Variants in KCNAB2 observed in about 807,000 individuals in gnomAD.
KCNAB2 encodes potassium voltage-gated channel subfamily A regulatory beta subunit 2.
A neutral mutation model predicts 63.6 loss-of-function variants in KCNAB2; 29 were observed. The ratio of observed to expected loss-of-function variants is 0.46; its 90% CI spans 0.34 to 0.62. The LOEUF is 0.62. Ranked by LOEUF, KCNAB2 falls within the 20% of genes least tolerant of loss-of-function variation. The probability of loss-of-function intolerance (pLI) is 0.01; values close to 1 mark genes in which losing one functional copy is unlikely to be tolerated. For synonymous variants in KCNAB2, 222 were observed against 224.2 expected, an observed-to-expected ratio of 0.99 and a Z score of 0.09; for missense variants, 359 against 563.9, an observed-to-expected ratio of 0.64 and a Z score of 3.68.
chr1:6,039,097 G>A (rs1008087270), intron 1 of KCNAB2, among the ~76,000 whole-genome samples: 3 of 152,208 alleles, frequency 2.0e-5, no homozygotes, highest in East Asian at 1.9e-4. Context: ...GGTGTCGGCC[G>A]GGGAGCAGCA....
At chr1:6,064,957 A>C (rs1194267596) in intron 2 of KCNAB2, among the ~76,000 whole-genome samples, 1 of 152,118 alleles carries the variant, frequency 6.6e-6, no homozygotes. Context: ...CTGTAACCTA[A>C]GTTTTACTGG....
intron 4 of KCNAB2, among the ~76,000 whole-genome samples, chr1:6,076,548 A>G (rs556260693): frequency 3.9e-5 from 6 of 152,370 alleles, no homozygotes; most frequent in African/African-American, 1.4e-4. Context: ...CTAATCCTCT[A>G]TCAACCCAGG....
chr1:6,097,528 A>G (rs1184318528), intron 15 of KCNAB2, 171 bp downstream of exon 15: 17 of 1,170,046 alleles, frequency 1.5e-5, no homozygotes, highest in Non-Finnish European at 1.8e-5. Context: ...AGGAACAGAC[A>G]TGAACACTAA....
intron 1 of KCNAB2, among the ~76,000 whole-genome samples, chr1:6,008,980 T>C (rs904356297): frequency 6.6e-6 from 1 of 152,194 alleles, no homozygotes; most frequent in African/African-American, 2.4e-5. Context: ...AGCAGGGAAA[T>C]TGGACACGTC....
intron 1 of KCNAB2, among the ~76,000 whole-genome samples, chr1:6,026,763 G>A (rs1406557025): frequency 6.6e-6 from 1 of 152,240 alleles, no homozygotes; most frequent in Non-Finnish European, 1.5e-5. Flanking sequence ...TCATCCCTGG[G>A]ATGATGTTGA....
chr1:5,996,731 C>T (rs1301969489), intron 1 of KCNAB2, among the ~76,000 whole-genome samples: 4 of 152,366 alleles, frequency 2.6e-5, no homozygotes, highest in South Asian at 4.1e-4. Flanking sequence ...CCTGGCCGTC[C>T]GCCTTTACCT....
chr1:6,084,597 C>T (rs958768648), intron 5 of KCNAB2, among the ~76,000 whole-genome samples: 23 of 152,140 alleles, frequency 1.5e-4, no homozygotes, highest in African/African-American at 7.2e-5. Flanking sequence ...GGGCGGATCA[C>T]TCGAGATGAG....
At chr1:6,014,540 T>C (rs1322501644) in intron 1 of KCNAB2, among the ~76,000 whole-genome samples, 1 of 152,134 alleles carries the variant, frequency 6.6e-6, no homozygotes, top group Non-Finnish European at 1.5e-5. Context: ...CCAAAAATAG[T>C]GTGGCATTAG....
chr1:6,072,522 G>A (rs980658843), intron 2 of KCNAB2, among the ~76,000 whole-genome samples: 1 of 152,186 alleles, frequency 6.6e-6, no homozygotes, highest in Admixed American at 6.5e-5. Flanking sequence ...ACCCCCACTG[G>A]GCACCAGCAG....
chr1:6,042,778 G>T (rs1660597778), upstream of KCNAB2, among the ~76,000 whole-genome samples: 1 of 151,894 alleles, frequency 6.6e-6, no homozygotes, highest in South Asian at 2.1e-4. Flanking sequence ...AATGTGCCAG[G>T]CAGTGGTCAT....
intron 1 of KCNAB2, among the ~76,000 whole-genome samples, chr1:5,993,896 T>C (rs896117104): frequency 2.6e-5 from 4 of 152,110 alleles, no homozygotes; most frequent in Non-Finnish European, 5.9e-5. Context: ...AGGGCCACCT[T>C]AGGAACCAGA....
Position 6,087,193 on chromosome 1 carries a change from C to T in KCNAB2, c.426-274C>T, listed in dbSNP as rs900024837. ...CTGGGCGGAAGGCATCTCCTCCGGA[C>T]TCCGGTCACACTAGGCCCCCCACTG... is the stretch of plus-strand genomic sequence containing the variant. On this transcript the variant is annotated intron_variant, in intron 6 of 15. Transcript: ENST00000378083. The surrounding 1 kb of genome is among the most constrained non-coding windows in gnomAD (Gnocchi z 6.4). Among the ~76,000 whole-genome samples the T allele has an allele frequency of 6.6e-6, 1 of 152,166 alleles. No individual in the cohort carries two copies. Among genetic ancestry groups the T allele is most frequent in the Non-Finnish European group, 1.5e-5 (1 of 68,034 alleles).
At chr1:6,022,240 G>A (rs1276353961) in intron 1 of KCNAB2, among the ~76,000 whole-genome samples, 1 of 145,504 alleles carries the variant, frequency 6.9e-6, no homozygotes, top group East Asian at 2.1e-4. Flanking sequence ...GTATCCAGTG[G>A]GTAGTTCAGT....
intron 1 of KCNAB2, chr1:6,025,899 GCCGATCCCGGCACACAGCCGATCCCGGC>G (rs1659129097): frequency 6.6e-6 from 1 of 151,594 alleles, no homozygotes; most frequent in Admixed American, 6.7e-5. Flanking sequence ...CCGGCACACA[GCCGATCCCGGCACACAGCCGATCCCGGC>G]ACACAGCCGA....
chr1:6,076,227 A>T (rs1190006251), intron 4 of KCNAB2, among the ~76,000 whole-genome samples: 4 of 152,232 alleles, frequency 2.6e-5, no homozygotes, highest in African/African-American at 9.6e-5. Flanking sequence ...GGGTGGAACA[A>T]ACCACCTGGT....
chr1:6,081,298 T>A (rs1664189679), intron 4 of KCNAB2, among the ~76,000 whole-genome samples: 1 of 152,232 alleles, frequency 6.6e-6, no homozygotes, highest in South Asian at 2.1e-4. Flanking sequence ...AGAATGGATG[T>A]CACCCACCAT....
rs1207774791 is a variant in KCNAB2 at position 6,097,285 on chromosome 1, T to G, written c.1086T>G (p.Asn362Lys). ...CCGCCACAGCCTGGTGCCTGAGGAATGAGGGAGTCAGCTCCGTGCTCCTGG... is the reference window on the plus strand; with the variant it reads ...CCGCCACAGCCTGGTGCCTGAGGAAGGAGGGAGTCAGCTCCGTGCTCCTGG... The part of the protein sequence containing the change: ...PQLAIAWCLR[N>K]EGVSSVLLGA... The change falls in exon 15 of 16, where the codon AAT becomes AAG. Residue 362 changes from asparagine to lysine, a missense_variant. This residue lies in a region of KCNAB2 where 271 missense variants were observed against 476.1 expected (regional missense o/e 0.57). Coordinates refer to ENST00000378083, the MANE Select transcript of KCNAB2 (RefSeq NM_001199862.2). The G allele has an allele frequency of 1.9e-6, 3 of 1,548,884 alleles. No individual in the cohort carries two copies. Among genetic ancestry groups the G allele is most frequent in the Non-Finnish European group, 2.6e-6 (3 of 1,145,238 alleles).
At chr1:6,002,600 G>A (rs756269228) in intron 1 of KCNAB2, among the ~76,000 whole-genome samples, 38 of 152,366 alleles carry the variant, frequency 2.5e-4, no homozygotes, top group Non-Finnish European at 4.6e-4. Context: ...TTTTACAAAC[G>A]AGGCACTTAA....
Position 6,078,163 on chromosome 1 carries a change from GC to G in KCNAB2, c.301-4029del, listed in dbSNP as rs1557490164. On this transcript the variant is annotated intron_variant, in intron 4 of 15. Coordinates refer to ENST00000378083, the MANE Select transcript of KCNAB2 (RefSeq NM_001199862.2). This position sits in a 1 kb window ranked among gnomAD's most constrained non-coding sequence, Gnocchi z 4.2. ...GCGCTGCTGGCCTTCCTTGGCCTGT[GC>G]CCGCATCCCCCAGTCTCTGCCCCTG... Among the ~76,000 whole-genome samples the G allele has an allele frequency of 2.0e-5, 3 of 152,290 alleles. No homozygotes were observed. Among genetic ancestry groups the G allele is most frequent in the African/African-American group, 7.2e-5 (3 of 41,564 alleles).
Sources: gnomAD v4.1 joint callset for allele counts (sites outside exome capture counted in the v4.1 genomes callset) on GRCh38, gnomAD v4.1.1 for gene constraint, gnomAD v4.1.1 regional missense constraint, Gnocchi (gnomAD v3.1) non-coding constraint, MANE v1.5 for transcripts, NCBI Gene and HGNC (gene_info 2026-07-23, HGNC 2026-07-21) for gene names.